RWDD1: variants seen among roughly 807,000 people sequenced by gnomAD.
The protein encoded by RWDD1 is RWD domain-containing protein 1.
Under a neutral mutation model 31.6 loss-of-function variants are expected in RWDD1, and 17 were observed. The ratio of observed to expected loss-of-function variants is 0.54; its 90% CI spans 0.37 to 0.81. The LOEUF (loss-of-function observed/expected upper bound fraction) is 0.81. Ranked by LOEUF, RWDD1 falls within the 30% of genes least tolerant of loss-of-function variation. The probability of loss-of-function intolerance (pLI) is 0.00; values close to 1 mark genes in which losing one functional copy is unlikely to be tolerated. For missense variants in RWDD1, 204 were observed against 274.5 expected (o/e 0.74, Z 1.82); for synonymous variants, 78 against 94.2 (o/e 0.83, Z 0.99).
At chr6:116,573,380 T>C (rs1774781461) in intron 1 of RWDD1, among the ~76,000 whole-genome samples, 1 of 152,178 alleles carries the variant, frequency 6.6e-6, no homozygotes, top group African/African-American at 2.4e-5. Flanking sequence ...AAAAGACAAT[T>C]TATGAATCTT....
At chr6:116,576,849 T>G (rs1774855433) in intron 1 of RWDD1, among the ~76,000 whole-genome samples, 1 of 152,194 alleles carries the variant, frequency 6.6e-6, no homozygotes, top group Admixed American at 6.5e-5. Context: ...GATTTGGGTA[T>G]TGCTAGAACA....
chr6:116,571,769 GCGGCCACC>G, intron 1 of RWDD1, 114 bp downstream of exon 1: 1 of 817,966 alleles, frequency 1.2e-6, no homozygotes, highest in Non-Finnish European at 1.8e-6. Flanking sequence ...TTGAGGCCGC[GCGGCCACC>G]TTGCCCTCCA....
chr6:116,590,982 C>T (rs745674487), intron 6 of RWDD1, 32 bp downstream of exon 6: 1 of 1,544,888 alleles, frequency 6.5e-7, no homozygotes, highest in South Asian at 1.3e-5. Flanking sequence ...ACATGTGGGA[C>T]AGGCACAGTA....
chr6:116,580,275 C>T lies in RWDD1; in HGVS notation c.74-20C>T, dbSNP rs375414340. 9.8e-5 allele frequency: 154 copies of T among 1,570,032 alleles called. No individual in the cohort carries two copies. The highest frequency in any genetic ancestry group is 1.3e-4 in the Non-Finnish European group (150 of 1,148,172). ...GCCTTAGAAAGCATTTCAATAACTT[C>T]TGTGTGTATTTTCTTGCAGTATTAT... On this transcript the variant is annotated intron_variant, in intron 1 of 6. Transcript: ENST00000466444.
Position 116,590,887 on chromosome 6 carries a change from G to A in RWDD1, c.548-1G>A. ...TAAACATACTTTTTTTTTTTTTTTAGGGAAACAACTATTTGAAACAGATCA... is the reference window on the plus strand; with the variant it reads ...TAAACATACTTTTTTTTTTTTTTTAAGGAAACAACTATTTGAAACAGATCA... On this transcript the variant is annotated splice_acceptor_variant, in intron 5 of 6. Coordinates refer to ENST00000466444, the MANE Select transcript of RWDD1 (RefSeq NM_015952.4). LOFTEE classifies it high-confidence loss of function. The A allele has an allele frequency of 1.3e-6, 2 of 1,549,026 alleles. No individual in the cohort carries two copies. Among genetic ancestry groups the A allele is most frequent in the South Asian group, 1.2e-5 (1 of 80,586 alleles).
chr6:116,595,355 C>A lies in RWDD1; in HGVS notation c.*2254C>A, dbSNP rs575050013. ...AGACAACCTAGTTGTCTTCTAATAACCTAGTTAGTTCTAATAACATTCTCA... is the reference window on the plus strand; with the variant it reads ...AGACAACCTAGTTGTCTTCTAATAAACTAGTTAGTTCTAATAACATTCTCA... On this transcript the variant is annotated 3_prime_UTR_variant, in exon 7 of 7. Coordinates refer to ENST00000466444, the MANE Select transcript of RWDD1 (RefSeq NM_015952.4). The A allele has an allele frequency of 1.3e-5, 2 of 152,246 alleles. No individual in the cohort carries two copies. Among genetic ancestry groups the A allele is most frequent in the South Asian group, 4.1e-4 (2 of 4,820 alleles). 9.4% of individuals were successfully genotyped at this position (152,246 alleles called of 1,614,324 possible). A position where few individuals can be genotyped will look rare whatever the true frequency, so the allele number is the denominator to read the frequency against.
chr6:116,578,675 A>G (rs1041598421), intron 1 of RWDD1, among the ~76,000 whole-genome samples: 3 of 152,160 alleles, frequency 2.0e-5, no homozygotes, highest in Non-Finnish European at 4.4e-5. Context: ...AAGCCCAACC[A>G]TATTATGGCT....
chr6:116,587,833 T>G (rs1775071690), intron 3 of RWDD1, among the ~76,000 whole-genome samples: 2 of 152,106 alleles, frequency 1.3e-5, no homozygotes, highest in South Asian at 4.1e-4. Context: ...ATAACAGTGT[T>G]GATGGACAGA....
chr6:116,573,050 A>C, intron 1 of RWDD1: 2 of 937,418 alleles, frequency 2.1e-6, no homozygotes, highest in Non-Finnish European at 2.5e-6. Context: ...CTAAAATAGA[A>C]TATAGGGTCA....
intron 1 of RWDD1, among the ~76,000 whole-genome samples, chr6:116,577,411 A>G (rs533468220): frequency 3.3e-5 from 5 of 151,676 alleles, no homozygotes; most frequent in Non-Finnish European, 7.4e-5. Flanking sequence ...TGATGATCTC[A>G]TTTAGTCTAA....
intron 1 of RWDD1, among the ~76,000 whole-genome samples, chr6:116,577,858 G>T (rs1774878148): frequency 6.6e-6 from 1 of 152,100 alleles, no homozygotes; most frequent in Admixed American, 6.5e-5. Flanking sequence ...ACTTTCAACT[G>T]TATTTTCACC....
rs951677200 is a variant in RWDD1 at position 116,595,395 on chromosome 6, G to C, written c.*2294G>C. On this transcript the variant is annotated 3_prime_UTR_variant, in exon 7 of 7. Transcript: ENST00000466444. ...TAACATTCTCAAATATTTTCATCTA[G>C]AGTAAATATTTACTGTTGGCTTTGT... 1 of 152,112 alleles carries C rather than the reference G, an allele frequency of 6.6e-6. No homozygotes were observed. Among genetic ancestry groups the C allele is most frequent in the Non-Finnish European group, 1.5e-5 (1 of 68,018 alleles). 9.4% of individuals were successfully genotyped at this position (152,112 alleles called of 1,614,324 possible).
intron 1 of RWDD1, among the ~76,000 whole-genome samples, chr6:116,576,605 T>C (rs1193791191): frequency 6.6e-6 from 1 of 152,220 alleles, no homozygotes; most frequent in Non-Finnish European, 1.5e-5. Flanking sequence ...TTCCCATATC[T>C]TTTGGTTTCC....
chr6:116,584,730 TCCAGA>T lies in RWDD1; in HGVS notation c.145_149del (p.Gln49TyrfsTer8). 1 of 1,611,076 alleles carries T rather than the reference TCCAGA, an allele frequency of 6.2e-7. No individual in the cohort carries two copies. Among genetic ancestry groups the T allele is most frequent in the Admixed American group, 1.7e-5 (1 of 59,888 alleles). On this transcript the variant is annotated frameshift_variant, in exon 3 of 7. Coordinates refer to ENST00000466444, the MANE Select transcript of RWDD1 (RefSeq NM_015952.4). LOFTEE classifies it high-confidence loss of function. ...AAACTCTTATCTTGTGTCTTAGCTG[TCCAGA>T]CTACCCTCAAGTTTACATACAGTGA... is the stretch of plus-strand genomic sequence containing the variant.
chr6:116,571,727 G>C, intron 1 of RWDD1, 72 bp downstream of exon 1: 1 of 1,401,262 alleles, frequency 7.1e-7, no homozygotes, highest in South Asian at 1.3e-5. Flanking sequence ...CCGCAGCTCT[G>C]GGCCTCATAG....
At chr6:116,583,611 T>C (rs1774986100) in intron 2 of RWDD1, among the ~76,000 whole-genome samples, 1 of 152,158 alleles carries the variant, frequency 6.6e-6, no homozygotes, top group South Asian at 2.1e-4. Context: ...TTTCACAATA[T>C]ATATGTATAT....
chr6:116,595,673 CCT>C lies in RWDD1; in HGVS notation c.*2573_*2574del, dbSNP rs1238974629. ...AATAATGCCTGGCATGCAGTAGGTC[CCT>C]AATATTTGTTGAATGAATGAATTAT... On this transcript the variant is annotated 3_prime_UTR_variant, in exon 7 of 7. Coordinates refer to ENST00000466444, the MANE Select transcript of RWDD1 (RefSeq NM_015952.4). 4 of 152,032 alleles carry C rather than the reference CCT, an allele frequency of 2.6e-5. No homozygotes were observed. Among genetic ancestry groups the C allele is most frequent in the African/African-American group, 9.7e-5 (4 of 41,384 alleles). 9.4% of individuals were successfully genotyped at this position (152,032 alleles called of 1,614,324 possible). A position where few individuals can be genotyped will look rare whatever the true frequency, so the allele number is the denominator to read the frequency against.
intron 1 of RWDD1, among the ~76,000 whole-genome samples, chr6:116,575,564 T>C (rs1300277732): frequency 6.7e-6 from 1 of 149,896 alleles, no homozygotes; most frequent in Non-Finnish European, 1.5e-5. Flanking sequence ...ATCCCTATTT[T>C]AGTTACTGCC....
intron 2 of RWDD1, among the ~76,000 whole-genome samples, chr6:116,581,880 A>G (rs1273322172): frequency 1.3e-5 from 2 of 152,008 alleles, no homozygotes; most frequent in East Asian, 3.8e-4. Context: ...AAAATAATAC[A>G]TGCAAGGATG....
Sources: allele counts gnomAD v4.1 joint callset (sites outside exome capture counted in the v4.1 genomes callset), GRCh38; gene constraint gnomAD v4.1.1; transcripts MANE v1.5; gene names NCBI Gene and HGNC (gene_info 2026-07-23, HGNC 2026-07-21).